CUL4B: variants seen among roughly 807,000 people sequenced by gnomAD.
The protein encoded by CUL4B is cullin-4B.
In CUL4B, 1 loss-of-function variant was observed where a neutral mutation model predicts 69.2. That is an observed-to-expected ratio of 0.01 (90% CI 0.01 to 0.07). CUL4B has a LOEUF of 0.07. Among genes scored for constraint, CUL4B ranks in the 10% least tolerant of loss-of-function variants. CUL4B has a pLI of 1.00. For missense variants in CUL4B, 328 were observed against 638.8 expected, an observed-to-expected ratio of 0.51 and a Z score of 5.24; for synonymous variants, 237 against 223.2, an observed-to-expected ratio of 1.06 and a Z score of -0.55.
chrX:120,570,205 T>C (rs1210735072), downstream of CUL4B, among the ~76,000 whole-genome samples: 1 of 111,197 alleles, frequency 9.0e-6, no homozygotes, highest in Non-Finnish European at 1.9e-5. Flanking sequence ...CACTCTTAGA[T>C]ATAGGAGGTG....
At chrX:120,534,358 A>T (rs1923520006) in intron 17 of CUL4B, 123 bp downstream of exon 17, 11 of 492,751 alleles carry the variant, frequency 2.2e-5, no homozygotes, top group Admixed American at 5.6e-5. Flanking sequence ...CTGTCTCATT[A>T]AAAAAAAAGA....
chrX:120,561,043 A>G (rs1925270215), upstream of CUL4B: 3 of 964,760 alleles, frequency 3.1e-6, no homozygotes, highest in African/African-American at 6.0e-5. Flanking sequence ...GGAGGGGGAA[A>G]GAACCAGGGC....
chrX:120,566,369 A>ATGTATATATATATATATATATATG (rs1187917327), upstream of CUL4B, among the ~76,000 whole-genome samples: 546 of 56,445 alleles, frequency 9.7e-3, 18 homozygotes, highest in African/African-American at 0.027. Context: ...ATATATATAT[A>ATGTATATATATATATATATATATG]TATATATATA....
Position 120,530,090 on chromosome X carries a change from AG to A in CUL4B, c.2592+11del, listed in dbSNP as rs1008083834. The A allele has an allele frequency of 1.7e-6, 2 of 1,203,671 alleles. No homozygotes were observed. The highest frequency in any genetic ancestry group is 3.5e-5 in the African/African-American group (2 of 57,080). ...TATAACACGCTCAATAGGAAAACAC[AG>A]AAGTACCTACCTTTACTGGAAATTT... is the stretch of plus-strand genomic sequence containing the variant. On this transcript the variant is annotated intron_variant, in intron 19 of 19. Coordinates refer to ENST00000371322, the MANE Select transcript of CUL4B (RefSeq NM_001079872.2).
intron 13 of CUL4B, 143 bp downstream of exon 13, chrX:120,538,517 A>G: frequency 2.1e-6 from 1 of 479,149 alleles, no homozygotes; most frequent in Non-Finnish European, 3.6e-6. Context: ...ATAAGTTGGA[A>G]ACCTCAGGAG....
chrX:120,538,925 AT>A (rs1218087937), intron 12 of CUL4B, among the ~76,000 whole-genome samples, 155 bp from the exon 13 acceptor site: 2 of 112,383 alleles, frequency 1.8e-5, no homozygotes, highest in Non-Finnish European at 3.8e-5. Flanking sequence ...GTAGAGATCC[AT>A]TTTTGTGCCA....
At position 120,526,313 on chromosome X, in the gene CUL4B, T is replaced by C. The variant is rs939488410; in HGVS notation, c.*448A>G. On this transcript the variant is annotated 3_prime_UTR_variant, in exon 20 of 20. Coordinates refer to ENST00000371322, the MANE Select transcript of CUL4B (RefSeq NM_001079872.2). ...GTGAACAACCAAGTCAAGGGTGGTT[T>C]TTCTATTTGATAAATACATCCAGAA... The C allele has an allele frequency of 1.7e-5, 2 of 114,475 alleles. No individual in the cohort carries two copies. The highest frequency in any genetic ancestry group is 6.5e-5 in the African/African-American group (2 of 30,916). The allele number at this position is 114,475 out of a possible 1,213,427, so 9.4% of individuals were successfully genotyped here.
chrX:120,568,190 C>T (rs1487688773), downstream of CUL4B, among the ~76,000 whole-genome samples: 7 of 110,704 alleles, frequency 6.3e-5, no homozygotes, highest in African/African-American at 2.3e-4. Flanking sequence ...TAGAAGAAGC[C>T]ACTGCAATAG....
rs777387009 is a variant in CUL4B, at chrX:120,557,607, A to G, written c.672+317T>C. ...AAGAAACAATTATCACAATAGAATG[A>G]CATGTCACCAGAAATCATCTTTGGG... On this transcript the variant is annotated intron_variant, in intron 2 of 19. Coordinates refer to ENST00000371322, the MANE Select transcript of CUL4B (RefSeq NM_001079872.2). Among the ~76,000 whole-genome samples the G allele has an allele frequency of 2.7e-5, 3 of 112,157 alleles. No homozygotes were observed. In the Admixed American group the frequency reaches 2.8e-4, roughly 11 times the overall value.
intron 1 of CUL4B, chrX:120,559,806 T>C (rs1477844118): frequency 7.3e-6 from 8 of 1,095,789 alleles, no homozygotes; most frequent in African/African-American, 3.7e-5. Flanking sequence ...ATCATACCGA[T>C]TGTCAGTGTT....
chrX:120,561,117 G>A, upstream of CUL4B: 1 of 1,035,658 alleles, frequency 9.7e-7, no homozygotes, highest in Non-Finnish European at 1.2e-6. Flanking sequence ...GGCGCCGAGG[G>A]AGGGGCGGTG....
intron 2 of CUL4B, among the ~76,000 whole-genome samples, chrX:120,574,316 T>G (rs770952944): frequency 9.0e-6 from 1 of 110,583 alleles, no homozygotes; most frequent in Admixed American, 9.6e-5. Context: ...GTTCACGCCA[T>G]TCTCCTGCCT....
At chrX:120,553,266 C>T (rs1386364813) in intron 2 of CUL4B, among the ~76,000 whole-genome samples, 1 of 111,930 alleles carries the variant, frequency 8.9e-6, no homozygotes, top group African/African-American at 3.2e-5. Flanking sequence ...CAGACTCCAA[C>T]AGCTAGTCAT....
At chrX:120,569,521 C>T (rs940127055), downstream of CUL4B, among the ~76,000 whole-genome samples, 4 of 110,621 alleles carry the variant, frequency 3.6e-5, no homozygotes, top group Non-Finnish European at 1.9e-5. Context: ...CCACCACGCC[C>T]GGCTAACTTT....
In CUL4B at chrX:120,543,532, A is replaced by C. The variant is rs181598882; in HGVS notation, c.1256+195T>G. Among the ~76,000 whole-genome samples, 89 of 93,702 alleles carry C rather than the reference A, an allele frequency of 9.5e-4. No individual in the cohort carries two copies. The highest frequency in any genetic ancestry group is 1.4e-3 in the East Asian group (4 of 2,777). 81.4% of individuals were successfully genotyped at this position (93,702 alleles called of 115,157 possible). ...CACACACACACACACACACACACAC[A>C]CCCCTAATAATCGAATCCTTGGATG... On this transcript the variant is annotated intron_variant, in intron 8 of 19. Transcript: ENST00000371322.
chrX:120,527,263 G>A (rs1923033035), intron 19 of CUL4B, among the ~76,000 whole-genome samples: 1 of 110,751 alleles, frequency 9.0e-6, no homozygotes, highest in African/African-American at 3.3e-5. Flanking sequence ...TCACCATATT[G>A]GCCAGGCTGG....
chrX:120,557,015 G>A (rs1925017277), intron 2 of CUL4B, among the ~76,000 whole-genome samples: 2 of 108,620 alleles, frequency 1.8e-5, no homozygotes, highest in South Asian at 4.0e-4. Flanking sequence ...GGGTTCAAGC[G>A]ATTCTCCTGC....
chrX:120,571,710 G>A (rs1037481042), exon 3 of CUL4B: 14 of 111,033 alleles, frequency 1.3e-4, no homozygotes, highest in Non-Finnish European at 2.3e-4. Context: ...AACAATTGGG[G>A]TTTAAACTGT....
upstream of CUL4B, among the ~76,000 whole-genome samples, chrX:120,566,435 T>G (rs772097422): frequency 1.7e-4 from 16 of 96,681 alleles, no homozygotes; most frequent in East Asian, 4.9e-3. Flanking sequence ...TTCGCTCTTG[T>G]TGCCCAGGCT....
Sources: gnomAD v4.1 joint callset for allele counts (sites outside exome capture counted in the v4.1 genomes callset) on GRCh38, gnomAD v4.1.1 for gene constraint, MANE v1.5 for transcripts, NCBI Gene and HGNC (gene_info 2026-07-23, HGNC 2026-07-21) for gene names.